The following PCDHGA6 variants were observed in gnomAD, a reference collection of about 807,000 sequenced individuals.
PCDHGA6 encodes protocadherin gamma-A6.
PCDHGA6 carries 41 observed loss-of-function variants against 60.6 expected under a neutral mutation model. The ratio of observed to expected loss-of-function variants is 0.68; its 90% confidence interval spans 0.53 to 0.88. PCDHGA6 has a LOEUF of 0.88. PCDHGA6 is among the 40% of genes least tolerant of loss of function. PCDHGA6 has a pLI of 0.00. For synonymous variants in PCDHGA6, 594 were observed against 524.4 expected (o/e 1.13, Z -1.81); for missense variants, 1,312 against 1,203.0 (o/e 1.09, Z -1.34).
In PCDHGA6 at chr5:141,409,316, C is replaced by T. The variant is rs114361948; in HGVS notation, c.2424+32809C>T. 56 of 1,613,968 alleles carry T rather than the reference C, an allele frequency of 3.5e-5. No individual in the cohort carries two copies. The African/African-American group carries it at 6.5e-4, about 19-fold the overall frequency. On this transcript the variant is annotated intron_variant, in intron 1 of 3. Transcript: ENST00000517434. ...AATGGTTGTTGCCCTCTTCAAAACA[C>T]GGGATCTGGATTTCGGAGGAAATGG...
chr5:141,396,830 G>A (rs1014090361), intron 1 of PCDHGA6, among the ~76,000 whole-genome samples: 1 of 152,198 alleles, frequency 6.6e-6, no homozygotes, highest in African/African-American at 2.4e-5. Context: ...TGCATATTCA[G>A]TGGAGTGGGA....
At chr5:141,397,626 C>G (rs539348100) in intron 1 of PCDHGA6, among the ~76,000 whole-genome samples, 27 of 152,256 alleles carry the variant, frequency 1.8e-4, no homozygotes, top group Middle Eastern at 3.4e-3. Context: ...TTAGTTCTAG[C>G]TAAGAGTTCA....
intron 1 of PCDHGA6, chr5:141,398,860 G>C: frequency 6.2e-7 from 1 of 1,614,010 alleles, no homozygotes; most frequent in South Asian, 1.1e-5. Flanking sequence ...ATTCAACCGA[G>C]ACGTGTACAG....
At chr5:141,497,142 C>T (rs1316569011) in intron 2 of PCDHGA6, among the ~76,000 whole-genome samples, 2 of 149,678 alleles carry the variant, frequency 1.3e-5, no homozygotes, top group South Asian at 2.1e-4. Context: ...GCTGAGATCA[C>T]GAAAAAAAAA....
intron 1 of PCDHGA6, chr5:141,398,931 C>G (rs1442157400): frequency 6.2e-7 from 1 of 1,613,956 alleles, no homozygotes; most frequent in Admixed American, 1.7e-5. Flanking sequence ...CAGCCACTGA[C>G]CAAGACGAGG....
chr5:141,508,599 G>T lies in PCDHGA6; in HGVS notation c.2573-2348G>T, dbSNP rs948748985. On this transcript the variant is annotated intron_variant, in intron 3 of 3. Coordinates refer to ENST00000517434, the MANE Select transcript of PCDHGA6 (RefSeq NM_018919.3). ...CTCGGGGTGCTACTCAGAGATCTTGGGTGCACATAGGACGTGGGTGGGCCG... is the reference window on the plus strand; with the variant it reads ...CTCGGGGTGCTACTCAGAGATCTTGTGTGCACATAGGACGTGGGTGGGCCG... Among the ~76,000 whole-genome samples the T allele has an allele frequency of 3.9e-5, 6 of 152,212 alleles. No individual in the cohort carries two copies. The South Asian group carries it at 1.2e-3, about 32-fold the overall frequency.
intron 1 of PCDHGA6, chr5:141,422,139 A>C: frequency 1.9e-6 from 3 of 1,588,154 alleles, no homozygotes; most frequent in Non-Finnish European, 2.6e-6. Context: ...AAGTTCAAGT[A>C]CGGGGGTCTC....
At position 141,493,841 on chromosome 5, in the gene PCDHGA6, T is replaced by C. The variant is rs774682943; in HGVS notation, c.2425-966T>C. On this transcript the variant is annotated intron_variant, in intron 1 of 3. Transcript: ENST00000517434. The surrounding 1 kb of genome is among the most constrained non-coding windows in gnomAD (Gnocchi z 4.3). ...CTCTGCTTCTGGGAGCAAGTATGAGTATTAATTACCAGCCCACCCCAGAAC... is the reference window on the plus strand; with the variant it reads ...CTCTGCTTCTGGGAGCAAGTATGAGCATTAATTACCAGCCCACCCCAGAAC... Among the ~76,000 whole-genome samples the C allele has an allele frequency of 3.3e-5, 5 of 152,140 alleles. No homozygotes were observed. In the East Asian group the frequency reaches 9.7e-4, roughly 29 times the overall value.
At chr5:141,403,172 C>G (rs1230059414) in intron 1 of PCDHGA6, 13 of 1,613,900 alleles carry the variant, frequency 8.1e-6, no homozygotes, top group Non-Finnish European at 1.1e-5. Flanking sequence ...TAGGACGCAG[C>G]TTTTCTCTCT....
chr5:141,495,465 G>T (rs563411010), intron 2 of PCDHGA6, among the ~76,000 whole-genome samples: 11 of 152,298 alleles, frequency 7.2e-5, no homozygotes, highest in African/African-American at 2.4e-4. Flanking sequence ...TGTCTGTGGG[G>T]TCTCCGTGTC....
chr5:141,375,886 C>G lies in PCDHGA6; in HGVS notation c.1803C>G (p.Asn601Lys), dbSNP rs1772014955. The G allele has an allele frequency of 1.2e-6, 2 of 1,613,822 alleles. No homozygotes were observed. Among genetic ancestry groups the G allele is most frequent in the Non-Finnish European group, 8.5e-7 (1 of 1,180,024 alleles). Residue 601 changes from asparagine to lysine, a missense_variant, in exon 1 of 4, where the codon AAC (asparagine) becomes AAG (lysine). Physicochemically the swap from Asn to Lys is moderately conservative, Grantham distance 94. Coordinates refer to ENST00000517434, the MANE Select transcript of PCDHGA6 (RefSeq NM_018919.3). ...CGGTGGACAGAGACTCGGGCCAGAACGCCTGGCTGTCCTACCGCCTGCTCA... is the reference window on the plus strand; with the variant it reads ...CGGTGGACAGAGACTCGGGCCAGAAGGCCTGGCTGTCCTACCGCCTGCTCA... ...VVAVDRDSGQ[N>K]AWLSYRLLKA...
intron 1 of PCDHGA6, chr5:141,407,989 T>C: frequency 1.2e-6 from 1 of 833,618 alleles, no homozygotes; most frequent in Non-Finnish European, 1.8e-6. Context: ...TCCGTCAGCC[T>C]CTGGCCTGGG....
At chr5:141,392,775 A>G in intron 1 of PCDHGA6, 1 of 1,524,280 alleles carries the variant, frequency 6.6e-7, no homozygotes, top group Non-Finnish European at 8.8e-7. Context: ...CCATTTATGC[A>G]CAGTGAAGAT....
At chr5:141,391,839 T>G (rs995589062) in intron 1 of PCDHGA6, 1 of 152,244 alleles carries the variant, frequency 6.6e-6, no homozygotes, top group Non-Finnish European at 1.5e-5. Context: ...AGAATATATG[T>G]AAAAGTCAAG....
chr5:141,492,829 C>T (rs2099744241), intron 1 of PCDHGA6, among the ~76,000 whole-genome samples: 1 of 152,232 alleles, frequency 6.6e-6, no homozygotes, highest in Non-Finnish European at 1.5e-5. Context: ...CGGCCCCTTC[C>T]TCCCGCAGGA....
At position 141,512,430 on chromosome 5, in the gene PCDHGA6, CT is replaced by C. The variant is rs1357890225; in HGVS notation, c.*1258del. The C allele has an allele frequency of 1.3e-5, 2 of 152,824 alleles. No homozygotes were observed. Among genetic ancestry groups the C allele is most frequent in the Non-Finnish European group, 2.9e-5 (2 of 68,158 alleles). 9.5% of individuals were successfully genotyped at this position (152,824 alleles called of 1,614,324 possible). On this transcript the variant is annotated 3_prime_UTR_variant, in exon 4 of 4. Coordinates refer to ENST00000517434, the MANE Select transcript of PCDHGA6 (RefSeq NM_018919.3). ...CTTCTTCAACAGGGCCCCTGCCCTCCTGAAGCCTCAGTCCTTCACCTTGCCA... is the reference window on the plus strand; with the variant it reads ...CTTCTTCAACAGGGCCCCTGCCCTCCGAAGCCTCAGTCCTTCACCTTGCCA...
At chr5:141,471,492 G>A (rs912591449) in intron 1 of PCDHGA6, 1 of 152,176 alleles carries the variant, frequency 6.6e-6, no homozygotes, top group Non-Finnish European at 1.5e-5. Context: ...GGAATTTAGG[G>A]AATGCAAGAG....
chr5:141,450,838 T>A (rs2098698352), intron 1 of PCDHGA6, among the ~76,000 whole-genome samples: 1 of 149,278 alleles, frequency 6.7e-6, no homozygotes, highest in African/African-American at 2.5e-5. Flanking sequence ...TATTTTTTTT[T>A]TTTTGAGATG....
At chr5:141,398,905 A>C in intron 1 of PCDHGA6, 1 of 1,613,984 alleles carries the variant, frequency 6.2e-7, no homozygotes, top group Non-Finnish European at 8.5e-7. Context: ...ACCAGGCACC[A>C]CTGTGTTGCA....
Sources: allele counts gnomAD v4.1 joint callset (sites outside exome capture counted in the v4.1 genomes callset), GRCh38; gene constraint gnomAD v4.1.1; non-coding constraint Gnocchi (gnomAD v3.1); transcripts MANE v1.5; gene names NCBI Gene and HGNC (gene_info 2026-07-23, HGNC 2026-07-21).